Variants in SLC9A2 observed in about 807,000 individuals in gnomAD.
SLC9A2 encodes sodium/hydrogen exchanger 2.
Under a neutral mutation model 71.7 loss-of-function variants are expected in SLC9A2, and 42 were observed. The ratio of observed to expected loss-of-function variants is 0.59; its 90% CI spans 0.46 to 0.76. The LOEUF is 0.76. Ranked by LOEUF, SLC9A2 falls within the 30% of genes least tolerant of loss-of-function variation. The probability of loss-of-function intolerance (pLI) is 0.00; values close to 1 mark genes in which losing one functional copy is unlikely to be tolerated. For missense variants in SLC9A2, 829 were observed against 1,017.4 expected (o/e 0.81, Z 2.52); for synonymous variants, 396 against 392.5 (o/e 1.01, Z -0.10).
At chr2:102,676,737 G>A (rs1332003551) in intron 3 of SLC9A2, among the ~76,000 whole-genome samples, 1 of 152,200 alleles carries the variant, frequency 6.6e-6, no homozygotes, top group Non-Finnish European at 1.5e-5. Flanking sequence ...TCACTTGAGT[G>A]AGTACTTATT....
At chr2:102,694,356 A>T in intron 5 of SLC9A2, 58 bp from the exon 6 acceptor site, 2 of 614,506 alleles carry the variant, frequency 3.3e-6, no homozygotes, top group Middle Eastern at 5.0e-4. Context: ...TTTTATATTA[A>T]ACAATTTATA....
intron 3 of SLC9A2, among the ~76,000 whole-genome samples, chr2:102,675,544 G>C (rs1039143876): frequency 2.0e-5 from 3 of 152,162 alleles, no homozygotes; most frequent in Non-Finnish European, 4.4e-5. Flanking sequence ...TCCTAGGGCT[G>C]AGGAATCCTT....
chr2:102,672,827 T>C (rs17027684), intron 3 of SLC9A2, among the ~76,000 whole-genome samples: 8,818 of 152,224 alleles, frequency 0.058, 516 homozygotes, highest in African/African-American at 0.15. Context: ...TGTAAACTTA[T>C]ACAATAGTCA....
At chr2:102,675,543 T>C (rs943393357) in intron 3 of SLC9A2, among the ~76,000 whole-genome samples, 3 of 152,094 alleles carry the variant, frequency 2.0e-5, no homozygotes, top group Admixed American at 6.5e-5. Flanking sequence ...GTCCTAGGGC[T>C]GAGGAATCCT....
At chr2:102,684,067 G>C in intron 4 of SLC9A2, 67 bp from the exon 5 acceptor site, 5 of 1,138,498 alleles carry the variant, frequency 4.4e-6, no homozygotes, top group Non-Finnish European at 6.6e-6. Context: ...CACAGAAAAT[G>C]AGTCTATGTA....
intron 10 of SLC9A2, among the ~76,000 whole-genome samples, chr2:102,704,920 C>A (rs920538426): frequency 6.6e-6 from 1 of 152,070 alleles, no homozygotes; most frequent in Non-Finnish European, 1.5e-5. Flanking sequence ...GTGGGCCGGT[C>A]GTGGTGGCTC....
chr2:102,707,436 C>T (rs138262028), intron 11 of SLC9A2, among the ~76,000 whole-genome samples: 37 of 151,972 alleles, frequency 2.4e-4, no homozygotes, highest in South Asian at 2.1e-4. Flanking sequence ...AACAGTGGCC[C>T]GTGGTCCCAC....
At chr2:102,654,223 C>T (rs968562164) in intron 1 of SLC9A2, among the ~76,000 whole-genome samples, 11 of 103,420 alleles carry the variant, frequency 1.1e-4, no homozygotes, top group African/African-American at 2.3e-4. Context: ...TTTTTTGAGA[C>T]GGAGTCTCAC....
intron 1 of SLC9A2, among the ~76,000 whole-genome samples, chr2:102,639,645 C>A (rs1050570635): frequency 6.6e-6 from 1 of 152,234 alleles, no homozygotes; most frequent in Non-Finnish European, 1.5e-5. Context: ...CTCCATCAAT[C>A]TTCACGACAT....
At chr2:102,677,992 T>C (rs894482316) in intron 3 of SLC9A2, among the ~76,000 whole-genome samples, 13 of 131,322 alleles carry the variant, frequency 9.9e-5, no homozygotes, top group Non-Finnish European at 2.1e-4. Flanking sequence ...GCTGCTGCTT[T>C]TCCCTGAATT....
intron 2 of SLC9A2, among the ~76,000 whole-genome samples, chr2:102,662,916 G>A (rs552654168): frequency 5.6e-4 from 86 of 152,310 alleles, no homozygotes; most frequent in African/African-American, 1.9e-3. Flanking sequence ...GCTGGAGGCT[G>A]GAGACAGAAC....
chr2:102,637,593 A>G (rs1019985797), intron 1 of SLC9A2, among the ~76,000 whole-genome samples: 3 of 152,092 alleles, frequency 2.0e-5, no homozygotes, highest in East Asian at 3.9e-4. Context: ...TCCAGTGAAA[A>G]AGAGACTCCC....
intron 2 of SLC9A2, 97 bp downstream of exon 2, chr2:102,658,124 CA>C: frequency 1.1e-6 from 1 of 894,532 alleles, no homozygotes; most frequent in Non-Finnish European, 1.7e-6. Context: ...CGAGACCCTG[CA>C]CACAGGGTGG....
chr2:102,679,236 T>G (rs17027736), intron 3 of SLC9A2, among the ~76,000 whole-genome samples: 1 of 152,096 alleles, frequency 6.6e-6, no homozygotes, highest in Non-Finnish European at 1.5e-5. Flanking sequence ...GGTAGGAAAC[T>G]TCACTGAGTT....
intron 1 of SLC9A2, among the ~76,000 whole-genome samples, chr2:102,640,463 T>TG (rs60176471): frequency 0.051 from 7,822 of 152,254 alleles, 618 homozygotes; most frequent in African/African-American, 0.17. Flanking sequence ...GGCTACAAAC[T>TG]GGGAGTCCCC....
intron 1 of SLC9A2, among the ~76,000 whole-genome samples, chr2:102,637,616 C>T (rs971246013): frequency 2.6e-5 from 4 of 152,148 alleles, no homozygotes; most frequent in Non-Finnish European, 5.9e-5. Flanking sequence ...GGCAGCAGAG[C>T]CACCTACCTG....
intron 3 of SLC9A2, among the ~76,000 whole-genome samples, chr2:102,669,839 TC>T (rs1386034153): frequency 6.6e-6 from 1 of 152,108 alleles, no homozygotes; most frequent in Non-Finnish European, 1.5e-5. Context: ...CTTTTGGACT[TC>T]AGGCTCCTTT....
rs143428234 is a variant in SLC9A2 at position 102,677,967 on chromosome 2, A to G, written c.1005-5294A>G. 6.6e-5 allele frequency among the ~76,000 whole-genome samples: 10 copies of G among 151,078 alleles called. No homozygotes were observed. In the East Asian group the frequency reaches 2.0e-3, roughly 30 times the overall value. On this transcript the variant is annotated intron_variant, in intron 3 of 11. Coordinates refer to ENST00000233969, the MANE Select transcript of SLC9A2 (RefSeq NM_003048.6). ...ATGCACCACCCTGTTTATTTCTTTT[A>G]TGCCTTTGCATATGGCTGCTGCTTT...
At chr2:102,634,592 G>T (rs1490724621) in intron 1 of SLC9A2, among the ~76,000 whole-genome samples, 1 of 152,122 alleles carries the variant, frequency 6.6e-6, no homozygotes, top group African/African-American at 2.4e-5. Context: ...TTGTCCATTT[G>T]CTCCATAGCA....
Sources: gnomAD v4.1 joint callset for allele counts (sites outside exome capture counted in the v4.1 genomes callset) on GRCh38, gnomAD v4.1.1 for gene constraint, MANE v1.5 for transcripts, NCBI Gene and HGNC (gene_info 2026-07-23, HGNC 2026-07-21) for gene names.